Variants in RAB38 observed in about 807,000 individuals in gnomAD.
RAB38 encodes RAB38, member RAS oncogene family, also known as ras-related protein Rab-38.
RAB38 carries 15 observed loss-of-function variants against 18.4 expected under a neutral mutation model. That is an observed-to-expected ratio of 0.82 (90% CI 0.55 to 1.26). The LOEUF (loss-of-function observed/expected upper bound fraction) is 1.26, where lower values mean the gene tolerates loss of function less well. Ranked by LOEUF, RAB38 falls within the 50% of genes most tolerant of loss-of-function variation. The pLI is 0.00. For missense variants in RAB38, 294 were observed against 267.4 expected (o/e 1.10, Z -0.69); for synonymous variants, 101 against 104.4 (o/e 0.97, Z 0.20).
At chr11:87,960,649 G>A in the RAB38 span, among the ~76,000 whole-genome samples, 8 of 152,124 alleles carry the variant, frequency 5.3e-5, no homozygotes, top group African/African-American at 1.9e-4. Context: ...CTTGTACTCT[G>A]TACAAGGTGA....
chr11:88,025,655 G>A, the RAB38 span, among the ~76,000 whole-genome samples: 1 of 152,050 alleles, frequency 6.6e-6, no homozygotes, highest in African/African-American at 2.4e-5. Context: ...TCATATGTAT[G>A]TTGGCTACTT....
chr11:88,150,891 T>C (rs1228727379), intron 1 of RAB38, among the ~76,000 whole-genome samples: 1 of 152,194 alleles, frequency 6.6e-6, no homozygotes, highest in African/African-American at 2.4e-5. Context: ...CAGATATTTA[T>C]TGGACATCTA....
At chr11:87,816,064 T>G in the RAB38 span, 1 of 152,422 alleles carries the variant, frequency 6.6e-6, no homozygotes, top group South Asian at 2.1e-4. Flanking sequence ...AGCCAAAGCT[T>G]CATCATGTAG....
the RAB38 span, among the ~76,000 whole-genome samples, chr11:88,071,332 G>C: frequency 4.6e-3 from 701 of 152,108 alleles, 3 homozygotes; most frequent in African/African-American, 0.016. Context: ...ACCTGCCTAT[G>C]ATGTACGGTG....
At chr11:87,924,453 T>C in the RAB38 span, among the ~76,000 whole-genome samples, 3 of 152,022 alleles carry the variant, frequency 2.0e-5, no homozygotes, top group Non-Finnish European at 4.4e-5. Context: ...AAATAGTCCT[T>C]GGAGGTCATA....
chr11:87,952,215 G>A, the RAB38 span, among the ~76,000 whole-genome samples: 1 of 152,080 alleles, frequency 6.6e-6, no homozygotes, highest in Admixed American at 6.5e-5. Context: ...CTTTCCCTGT[G>A]TTACCTTTCC....
intron 1 of RAB38, among the ~76,000 whole-genome samples, chr11:88,162,584 G>A (rs79477934): frequency 0.018 from 2,788 of 151,344 alleles, 88 homozygotes; most frequent in African/African-American, 0.065. Context: ...ATTTCATCTC[G>A]TCTAATCTCA....
the RAB38 span, among the ~76,000 whole-genome samples, chr11:87,819,627 C>G: frequency 2.0e-5 from 3 of 150,592 alleles, no homozygotes; most frequent in Admixed American, 6.6e-5. Context: ...TTTTGTCTCT[C>G]AGTTAATTGA....
the RAB38 span, among the ~76,000 whole-genome samples, chr11:87,922,195 T>A: frequency 6.6e-6 from 1 of 152,108 alleles, no homozygotes; most frequent in African/African-American, 2.4e-5. Context: ...TGGATGGTAA[T>A]TATATTGCAT....
intron 2 of RAB38, among the ~76,000 whole-genome samples, chr11:88,133,990 C>T (rs1270408216): frequency 6.6e-6 from 1 of 152,174 alleles, no homozygotes; most frequent in Admixed American, 6.5e-5. Context: ...TCTATCTATA[C>T]TCATTCCCAA....
chr11:88,066,809 C>T, the RAB38 span, among the ~76,000 whole-genome samples: 4 of 152,124 alleles, frequency 2.6e-5, no homozygotes, highest in Non-Finnish European at 5.9e-5. Flanking sequence ...TTACCAACAG[C>T]GAAATACCCA....
the RAB38 span, among the ~76,000 whole-genome samples, chr11:88,083,099 C>T: frequency 6.6e-6 from 1 of 151,782 alleles, no homozygotes; most frequent in Non-Finnish European, 1.5e-5. Context: ...GTTGGTCTAG[C>T]TATTCTTCTA....
chr11:87,949,508 CT>C, the RAB38 span, among the ~76,000 whole-genome samples: 2 of 152,156 alleles, frequency 1.3e-5, no homozygotes, highest in African/African-American at 4.8e-5. Flanking sequence ...ATCTTTCCTG[CT>C]TTCTCTTGTG....
the RAB38 span, among the ~76,000 whole-genome samples, chr11:88,003,843 T>TGTATATATTATATATA: frequency 1.6e-3 from 4 of 2,500 alleles, 1 homozygote; most frequent in African/African-American, 3.8e-3. Context: ...AATATATATT[T>TGTATATATTATATATA]ATATATATAA....
chr11:87,888,098 G>A, the RAB38 span, among the ~76,000 whole-genome samples: 2 of 151,794 alleles, frequency 1.3e-5, no homozygotes, highest in Non-Finnish European at 2.9e-5. Flanking sequence ...ACCAAAGGAA[G>A]ATTTTTCAGA....
At chr11:87,876,571 G>C in the RAB38 span, among the ~76,000 whole-genome samples, 1 of 151,584 alleles carries the variant, frequency 6.6e-6, no homozygotes, top group Non-Finnish European at 1.5e-5. Flanking sequence ...GGAGACTTTA[G>C]AAAGCTTCTA....
intron 1 of RAB38, among the ~76,000 whole-genome samples, chr11:88,150,181 T>G (rs1454346432): frequency 6.6e-6 from 1 of 152,198 alleles, no homozygotes; most frequent in East Asian, 1.9e-4. Context: ...GAAATTTCTG[T>G]GTACCATGTA....
the RAB38 span, among the ~76,000 whole-genome samples, chr11:87,860,520 T>A: frequency 6.6e-6 from 1 of 151,994 alleles, no homozygotes; most frequent in Non-Finnish European, 1.5e-5. Flanking sequence ...ATATTTACTT[T>A]CATTGCGAAT....
the RAB38 span, among the ~76,000 whole-genome samples, chr11:88,008,404 T>C: frequency 2.0e-5 from 3 of 152,030 alleles, no homozygotes; most frequent in Admixed American, 2.0e-4. Context: ...AAGAAGAGCA[T>C]TAGAACAGTG....
Sources: gnomAD v4.1 joint callset for allele counts (sites outside exome capture counted in the v4.1 genomes callset) on GRCh38, gnomAD v4.1.1 for gene constraint, MANE v1.5 for transcripts, NCBI Gene and HGNC (gene_info 2026-07-23, HGNC 2026-07-21) for gene names.